Variants in CCDC102B observed in about 807,000 individuals in gnomAD.
CCDC102B encodes the protein coiled-coil domain-containing protein 102B.
In CCDC102B, 75 loss-of-function variants were observed where a neutral mutation model predicts 57.4. The ratio of observed to expected loss-of-function variants is 1.31; its 90% CI spans 1.08 to 1.58. The LOEUF (loss-of-function observed/expected upper bound fraction) is 1.58. Ranked by LOEUF, CCDC102B falls within the 40% of genes most tolerant of loss-of-function variation. CCDC102B has a pLI of 0.00. For missense variants in CCDC102B, 636 were observed against 582.6 expected, an observed-to-expected ratio of 1.09 and a Z score of -0.94; for synonymous variants, 206 against 201.9, an observed-to-expected ratio of 1.02 and a Z score of -0.17.
chr18:68,778,273 A>C (rs1484696699), intron 2 of CCDC102B, among the ~76,000 whole-genome samples: 2 of 152,168 alleles, frequency 1.3e-5, no homozygotes, highest in African/African-American at 2.4e-5. Flanking sequence ...TCCAAAAACA[A>C]CACCATCCAT....
intron 7 of CCDC102B, among the ~76,000 whole-genome samples, chr18:69,014,978 A>AGAGTGTGTGTGTGTGTGTGT (rs139377520): frequency 8.6e-5 from 12 of 139,432 alleles, no homozygotes; most frequent in East Asian, 6.7e-4. Flanking sequence ...AGAGAGAGAG[A>AGAGTGTGTGTGTGTGTGTGT]GTGTGTGTGT....
chr18:68,779,148 A>G (rs1416397340), intron 2 of CCDC102B, among the ~76,000 whole-genome samples: 1 of 152,084 alleles, frequency 6.6e-6, no homozygotes, highest in African/African-American at 2.4e-5. Context: ...TTGATAAACA[A>G]AAAATAAAAA....
At chr18:68,950,668 G>A (rs1446927796) in intron 6 of CCDC102B, among the ~76,000 whole-genome samples, 1 of 151,958 alleles carries the variant, frequency 6.6e-6, no homozygotes, top group African/African-American at 2.4e-5. Context: ...GATCATTTTG[G>A]CATATACACA....
chr18:69,011,939 G>A (rs2051529851), intron 7 of CCDC102B, among the ~76,000 whole-genome samples: 1 of 152,002 alleles, frequency 6.6e-6, no homozygotes, highest in African/African-American at 2.4e-5. Flanking sequence ...TTGAGAATTT[G>A]TTTTTAGTAA....
At chr18:69,049,672 A>C (rs1482528030) in intron 7 of CCDC102B, among the ~76,000 whole-genome samples, 5 of 152,214 alleles carry the variant, frequency 3.3e-5, no homozygotes, top group Admixed American at 2.6e-4. Context: ...AAAATATTTT[A>C]ATGGTTAACC....
chr18:68,760,685 T>C (rs2034225895), intron 2 of CCDC102B, among the ~76,000 whole-genome samples: 1 of 152,086 alleles, frequency 6.6e-6, no homozygotes, highest in African/African-American at 2.4e-5. Flanking sequence ...CAAGGACCAA[T>C]GCTAAAGCTG....
At chr18:69,016,747 G>A (rs2051679283) in intron 7 of CCDC102B, among the ~76,000 whole-genome samples, 2 of 152,140 alleles carry the variant, frequency 1.3e-5, no homozygotes, top group Non-Finnish European at 2.9e-5. Flanking sequence ...GTCTTCTCTT[G>A]ATGAAGGTCA....
rs185865217 is a variant in CCDC102B at position 68,971,195 on chromosome 18, A to G, written c.1264-39739A>G. Among the ~76,000 whole-genome samples, 472 of 152,110 alleles carry G rather than the reference A, an allele frequency of 3.1e-3. 1 individual carries two copies. Among genetic ancestry groups the G allele is most frequent in the African/African-American group, 0.011 (451 of 41,532 alleles). On this transcript the variant is annotated intron_variant, in intron 6 of 7. Coordinates refer to ENST00000360242, the MANE Select transcript of CCDC102B (RefSeq NM_024781.3). ...CTCTATTTTTTTCATATTTTCATCT[A>G]TCCTTAGTACGTAGACTTAAGTGTG...
chr18:68,720,793 T>C (rs115694513), intron 2 of CCDC102B, among the ~76,000 whole-genome samples: 105 of 152,294 alleles, frequency 6.9e-4, no homozygotes, highest in Non-Finnish European at 4.0e-4. Context: ...TCCTGACTCA[T>C]ATGGGCATAG....
chr18:68,871,284 A>T (rs184352303), intron 4 of CCDC102B, among the ~76,000 whole-genome samples: 36 of 152,268 alleles, frequency 2.4e-4, no homozygotes, highest in Admixed American at 2.1e-3. Context: ...CACCTTATAG[A>T]GTATTTTCTA....
intron 6 of CCDC102B, among the ~76,000 whole-genome samples, chr18:68,911,751 C>CAAAAAAAAAAAAAAAAA (rs74175338): frequency 4.4e-4 from 8 of 17,998 alleles, no homozygotes; most frequent in Admixed American, 6.8e-4. Flanking sequence ...GACTCCGTCT[C>CAAAAAAAAAAAAAAAAA]AAAAAAAAAA....
At chr18:68,844,354 T>C (rs1008073295) in intron 3 of CCDC102B, among the ~76,000 whole-genome samples, 1 of 150,690 alleles carries the variant, frequency 6.6e-6, no homozygotes, top group Non-Finnish European at 1.5e-5. Context: ...TATGCTTCAT[T>C]ACACAAATGC....
intron 2 of CCDC102B, among the ~76,000 whole-genome samples, chr18:68,734,490 G>A (rs904372029): frequency 2.0e-5 from 3 of 152,156 alleles, no homozygotes; most frequent in African/African-American, 4.8e-5. Flanking sequence ...TCTGGCTTAC[G>A]GAGAAATTTT....
intron 1 of CCDC102B, among the ~76,000 whole-genome samples, chr18:68,831,305 C>T (rs1214090027): frequency 6.6e-6 from 1 of 151,988 alleles, no homozygotes; most frequent in African/African-American, 2.4e-5. Flanking sequence ...TTCAATAACA[C>T]TAGTTAATAG....
rs935378276 is a variant in CCDC102B, at chr18:69,055,117, C to G, written c.*980C>G. 1 of 983,772 alleles carries G rather than the reference C, an allele frequency of 1.0e-6. No homozygotes were observed. The highest frequency in any genetic ancestry group is 1.2e-6 in the Non-Finnish European group (1 of 828,526). The allele number at this position is 983,772 out of a possible 1,614,324, so 60.9% of individuals were successfully genotyped here. A position where few individuals can be genotyped will look rare whatever the true frequency, so the allele number is the denominator to read the frequency against. On this transcript the variant is annotated 3_prime_UTR_variant, in exon 8 of 8. Transcript: ENST00000360242. Reference sequence around the variant, plus strand: ...ACATACTGGTTTTACTCATCTCCCCCTCCATTGATTAGCCAAAAAAAAATG... The same window carrying G: ...ACATACTGGTTTTACTCATCTCCCCGTCCATTGATTAGCCAAAAAAAAATG...
chr18:68,770,094 C>A (rs926141853), intron 2 of CCDC102B, among the ~76,000 whole-genome samples: 1 of 152,156 alleles, frequency 6.6e-6, no homozygotes, highest in Non-Finnish European at 1.5e-5. Flanking sequence ...TAAAGAAGAG[C>A]ATCTCCACAT....
intron 6 of CCDC102B, among the ~76,000 whole-genome samples, chr18:68,911,716 C>G (rs1170805423): frequency 8.5e-6 from 1 of 118,090 alleles, no homozygotes. Flanking sequence ...CGCGCCACTG[C>G]ACTCCAGCCT....
chr18:68,874,212 G>GTGTGTATATA (rs1235797400), intron 4 of CCDC102B, among the ~76,000 whole-genome samples: 1 of 120,590 alleles, frequency 8.3e-6, no homozygotes, highest in African/African-American at 3.0e-5. Flanking sequence ...GTGTGTGTGT[G>GTGTGTATATA]TATATATATA....
At chr18:68,994,706 A>G (rs1025289597) in intron 6 of CCDC102B, among the ~76,000 whole-genome samples, 7 of 152,156 alleles carry the variant, frequency 4.6e-5, no homozygotes, top group Non-Finnish European at 8.8e-5. Flanking sequence ...ACCTTCTGAC[A>G]TGATTGTGAG....
Sources: gnomAD v4.1 joint callset for allele counts (sites outside exome capture counted in the v4.1 genomes callset) on GRCh38, gnomAD v4.1.1 for gene constraint, MANE v1.5 for transcripts, NCBI Gene and HGNC (gene_info 2026-07-23, HGNC 2026-07-21) for gene names.